Variants in EYS observed in about 807,000 individuals in gnomAD.
The protein encoded by EYS is protein eyes shut homolog.
EYS carries 250 observed loss-of-function variants against 282.1 expected under a neutral mutation model. The observed-to-expected ratio is 0.89, with a 90% confidence interval of 0.80 to 0.98. The LOEUF (loss-of-function observed/expected upper bound fraction) is 0.98, where lower values mean the gene tolerates loss of function less well. Ranked by LOEUF, EYS falls within the 50% of genes least tolerant of loss-of-function variation. The pLI, the probability that EYS is intolerant of heterozygous loss-of-function variation, is 0.00. For synonymous variants in EYS, 1,355 were observed against 1,282.9 expected (o/e 1.06, Z -1.20); for missense variants, 4,016 against 3,709.0 (o/e 1.08, Z -2.15).
intron 2 of EYS, among the ~76,000 whole-genome samples, chr6:65,516,834 A>G (rs1767154301): frequency 1.3e-5 from 2 of 152,122 alleles, no homozygotes; most frequent in Non-Finnish European, 2.9e-5. Context: ...AAGGAAGAAG[A>G]GTTTATGAGA....
At chr6:65,662,359 A>C (rs1768035703) in intron 1 of EYS, among the ~76,000 whole-genome samples, 1 of 152,152 alleles carries the variant, frequency 6.6e-6, no homozygotes, top group Non-Finnish European at 1.5e-5. Context: ...AAGTATGATC[A>C]CCAGGTTACA....
intron 12 of EYS, among the ~76,000 whole-genome samples, chr6:65,185,035 AAG>A (rs1491431910): frequency 2.1e-5 from 3 of 143,546 alleles, no homozygotes; most frequent in Non-Finnish European, 4.5e-5. Flanking sequence ...GTAAAAAAGA[AAG>A]AAAAAAAAAA....
At chr6:63,888,886 A>G (rs1007704359) in intron 35 of EYS, among the ~76,000 whole-genome samples, 6 of 152,200 alleles carry the variant, frequency 3.9e-5, no homozygotes, top group African/African-American at 1.2e-4. Flanking sequence ...AAAGCTAAGA[A>G]CCTTGATAAA....
At chr6:63,792,018 G>A (rs1050929406) in intron 37 of EYS, among the ~76,000 whole-genome samples, 4 of 152,060 alleles carry the variant, frequency 2.6e-5, no homozygotes, top group African/African-American at 9.7e-5. Flanking sequence ...AGGAAGAGTT[G>A]AGGAAGAGAG....
intron 12 of EYS, among the ~76,000 whole-genome samples, chr6:65,093,100 C>A (rs80267674): frequency 0.04 from 6,098 of 152,104 alleles, 185 homozygotes; most frequent in South Asian, 0.064. Flanking sequence ...CAGTTGGTTT[C>A]TCAGCAGAAA....
At chr6:63,818,509 A>G (rs957885397) in intron 36 of EYS, among the ~76,000 whole-genome samples, 8 of 151,956 alleles carry the variant, frequency 5.3e-5, no homozygotes, top group African/African-American at 9.7e-5. Context: ...TGTTTTTTCA[A>G]TTCCACCCTT....
At chr6:65,334,633 TTTG>T (rs1769913423) in intron 11 of EYS, among the ~76,000 whole-genome samples, 1 of 151,834 alleles carries the variant, frequency 6.6e-6, no homozygotes, top group Non-Finnish European at 1.5e-5. Flanking sequence ...TTTTGTTTGT[TTTG>T]TTGTTGTTTT....
At chr6:65,460,498 C>T (rs973060555) in intron 5 of EYS, among the ~76,000 whole-genome samples, 5 of 151,876 alleles carry the variant, frequency 3.3e-5, no homozygotes, top group Non-Finnish European at 7.4e-5. Context: ...TCTCATCAGA[C>T]CTGATAATTT....
At chr6:64,453,615 C>G (rs748746740) in intron 26 of EYS, among the ~76,000 whole-genome samples, 33 of 152,194 alleles carry the variant, frequency 2.2e-4, no homozygotes, top group Admixed American at 5.9e-4. Flanking sequence ...CCCAAATGTC[C>G]AACAATGATA....
intron 5 of EYS, among the ~76,000 whole-genome samples, chr6:65,477,750 G>A (rs1276419039): frequency 6.6e-6 from 1 of 151,910 alleles, no homozygotes; most frequent in Non-Finnish European, 1.5e-5. Context: ...TTTTCCATAT[G>A]GCCATTTGTA....
chr6:64,402,895 A>G (rs983323878), intron 28 of EYS, among the ~76,000 whole-genome samples: 1 of 152,242 alleles, frequency 6.6e-6, no homozygotes, highest in African/African-American at 2.4e-5. Context: ...AAGGACTGCT[A>G]GAACTTCAGA....
chr6:63,805,680 G>A (rs1279344924), intron 37 of EYS, among the ~76,000 whole-genome samples: 1 of 152,200 alleles, frequency 6.6e-6, no homozygotes, highest in Non-Finnish European at 1.5e-5. Context: ...TGTCAAGGGA[G>A]AGACCAGGTG....
chr6:64,993,456 T>C (rs2150123743), intron 14 of EYS, among the ~76,000 whole-genome samples: 1 of 151,310 alleles, frequency 6.6e-6, no homozygotes, highest in South Asian at 2.1e-4. Flanking sequence ...AAACCATCAT[T>C]CTCAGCAAAC....
At chr6:63,770,048 T>G (rs1489040870) in intron 40 of EYS, among the ~76,000 whole-genome samples, 1 of 151,984 alleles carries the variant, frequency 6.6e-6, no homozygotes, top group Non-Finnish European at 1.5e-5. Context: ...CTTGCTACTT[T>G]ATTTAGAATA....
At chr6:63,989,418 G>C (rs1354434012) in intron 34 of EYS, among the ~76,000 whole-genome samples, 1 of 151,542 alleles carries the variant, frequency 6.6e-6, no homozygotes, top group African/African-American at 2.4e-5. Flanking sequence ...AGTGAAAAGG[G>C]ATAAAAAATA....
chr6:64,288,195 C>A lies in EYS; in HGVS notation c.6191+18775G>T, dbSNP rs367976455. Among the ~76,000 whole-genome samples the A allele has an allele frequency of 5.1e-4, 78 of 152,164 alleles. No individual in the cohort carries two copies. The South Asian group carries it at 0.014, about 28-fold the overall frequency. ...CTGCTCTTTTCACTCTGCACAGTTTCCTTGGGTGTCTTTTTACTCATTTTA... is the reference window on the plus strand; with the variant it reads ...CTGCTCTTTTCACTCTGCACAGTTTACTTGGGTGTCTTTTTACTCATTTTA... On this transcript the variant is annotated intron_variant, in intron 30 of 42. Transcript: ENST00000503581.
chr6:64,242,516 G>T (rs1004254427), intron 30 of EYS, among the ~76,000 whole-genome samples: 14 of 151,692 alleles, frequency 9.2e-5, no homozygotes, highest in African/African-American at 2.9e-4. Flanking sequence ...TTTGACATCC[G>T]TGACTTTAGC....
chr6:64,935,301 G>A (rs1768870874), intron 15 of EYS, among the ~76,000 whole-genome samples: 1 of 151,672 alleles, frequency 6.6e-6, no homozygotes, highest in African/African-American at 2.4e-5. Flanking sequence ...TACCTTATCA[G>A]TAATTACAGT....
chr6:63,761,872 G>A (rs929997458), intron 41 of EYS, among the ~76,000 whole-genome samples: 5 of 151,996 alleles, frequency 3.3e-5, no homozygotes, highest in Admixed American at 2.0e-4. Context: ...TCCCAGCCAG[G>A]TATTAAAGAG....
Sources: gnomAD v4.1 joint callset for allele counts (sites outside exome capture counted in the v4.1 genomes callset) on GRCh38, gnomAD v4.1.1 for gene constraint, MANE v1.5 for transcripts, NCBI Gene and HGNC (gene_info 2026-07-23, HGNC 2026-07-21) for gene names.